Variants in DPH6 observed in about 807,000 individuals in gnomAD.
The protein encoded by DPH6 is diphthine--ammonia ligase.
DPH6 carries 33 observed loss-of-function variants against 38.2 expected under a neutral mutation model. The observed-to-expected ratio is 0.86, with a 90% CI of 0.65 to 1.15. The LOEUF (loss-of-function observed/expected upper bound fraction) is 1.15, where lower values mean the gene tolerates loss of function less well. Ranked by LOEUF, DPH6 falls within the 50% of genes most tolerant of loss-of-function variation. DPH6 has a pLI of 0.00. For missense variants in DPH6, 325 were observed against 320.0 expected (o/e 1.02, Z -0.12); for synonymous variants, 108 against 103.0 (o/e 1.05, Z -0.30).
intron 3 of DPH6, among the ~76,000 whole-genome samples, chr15:35,351,456 T>C (rs77529810): frequency 0.027 from 4,051 of 152,322 alleles, 78 homozygotes; most frequent in Non-Finnish European, 0.042. Flanking sequence ...GTTAATTTTT[T>C]CTTTCTGTTT....
At chr15:35,313,370 G>A (rs1287775080) in intron 3 of DPH6, among the ~76,000 whole-genome samples, 4 of 146,474 alleles carry the variant, frequency 2.7e-5, no homozygotes, top group Non-Finnish European at 4.5e-5. Context: ...TTCTATTTCT[G>A]TGAAGAACAT....
chr15:35,210,886 C>A, the DPH6 span, among the ~76,000 whole-genome samples: 2 of 139,270 alleles, frequency 1.4e-5, no homozygotes, highest in African/African-American at 5.4e-5. Flanking sequence ...GAATTTGCAT[C>A]TTATCATTTC....
the DPH6 span, among the ~76,000 whole-genome samples, chr15:35,148,715 A>C: frequency 6.6e-6 from 1 of 152,136 alleles, no homozygotes. Context: ...TTGATTCCTC[A>C]TTCAGCCCTT....
At chr15:35,421,309 T>C (rs1371422426) in intron 5 of DPH6, among the ~76,000 whole-genome samples, 1 of 152,212 alleles carries the variant, frequency 6.6e-6, no homozygotes, top group African/African-American at 2.4e-5. Context: ...GCCAGAAATA[T>C]TCTAAAATCT....
Position 35,496,567 on chromosome 15 carries a change from A to ATATATATATATAT in DPH6, c.312+41706_312+41707insATATATATATATA, listed in dbSNP as rs1555406398. Among the ~76,000 whole-genome samples the ATATATATATATAT allele has an allele frequency of 3.6e-3, 113 of 30,996 alleles. 2 individuals are homozygous for ATATATATATATAT. Among genetic ancestry groups the ATATATATATATAT allele is most frequent in the East Asian group, 0.027 (9 of 328 alleles). The allele number at this position is 30,996 out of a possible 152,430, so 20.3% of individuals were successfully genotyped here. On this transcript the variant is annotated intron_variant, in intron 3 of 8. Coordinates refer to ENST00000256538, the MANE Select transcript of DPH6 (RefSeq NM_080650.4). ...GAAAGTTCCATCTCAAAAAAAAAAAAATATATATATATATATATATATATC... is the reference window on the plus strand; with the variant it reads ...GAAAGTTCCATCTCAAAAAAAAAAAATATATATATATATATATATATATATATATATATATATC...
intron 5 of DPH6, 111 bp downstream of exon 5, chr15:35,450,573 TC>T (rs749441429): frequency 1.2e-4 from 106 of 884,164 alleles, no homozygotes; most frequent in Non-Finnish European, 1.3e-4. Flanking sequence ...CAGCTGTGAC[TC>T]CACATTTTTA....
intron 6 of DPH6, chr15:35,401,676 G>A (rs935363859): frequency 4.0e-6 from 3 of 746,416 alleles, no homozygotes; most frequent in Non-Finnish European, 4.9e-6. Flanking sequence ...CTCCTATGGT[G>A]TTGGAGGCCA....
chr15:35,268,652 T>C lies in DPH6; in HGVS notation n.201-48070A>G, dbSNP rs911672584. Among the ~76,000 whole-genome samples, 47 of 151,742 alleles carry C rather than the reference T, an allele frequency of 3.1e-4. 1 individual carries two copies. The highest frequency in any genetic ancestry group is 1.2e-4 in the Non-Finnish European group (8 of 67,954). On this transcript the variant is annotated intron_variant and non_coding_transcript_variant, in intron 3 of 3. Coordinates refer to the DPH6 transcript ENST00000560386. ...CAGTATATCTTCTAATACTATATAT[T>C]TTTGAAAACATAAGATTAAAAGGAA...
At chr15:35,417,634 T>C (rs1378513471) in intron 5 of DPH6, among the ~76,000 whole-genome samples, 1 of 152,112 alleles carries the variant, frequency 6.6e-6, no homozygotes, top group Non-Finnish European at 1.5e-5. Flanking sequence ...TGAAGAATGA[T>C]GCTAATATAC....
chr15:35,291,181 T>C (rs2051977875), intron 3 of DPH6, among the ~76,000 whole-genome samples: 1 of 152,066 alleles, frequency 6.6e-6, no homozygotes, highest in South Asian at 2.1e-4. Context: ...TAAACATTGG[T>C]TAGTAATCCA....
chr15:35,416,098 G>T (rs576727502), intron 5 of DPH6, among the ~76,000 whole-genome samples: 1 of 151,834 alleles, frequency 6.6e-6, no homozygotes, highest in African/African-American at 2.4e-5. Context: ...GAATTGTCTT[G>T]GGCCACATAT....
chr15:35,378,831 G>C (rs562794739), intron 7 of DPH6, among the ~76,000 whole-genome samples: 1 of 152,120 alleles, frequency 6.6e-6, no homozygotes, highest in South Asian at 2.1e-4. Context: ...GTCAGGGGTG[G>C]GGGGCTGGGG....
chr15:35,542,182 G>A (rs1430032395), intron 2 of DPH6, among the ~76,000 whole-genome samples: 1 of 151,956 alleles, frequency 6.6e-6, no homozygotes, highest in Non-Finnish European at 1.5e-5. Flanking sequence ...TAAGCTTCAG[G>A]ATCCCTGTCT....
At chr15:35,357,174 C>T (rs541775978) in intron 3 of DPH6, among the ~76,000 whole-genome samples, 3 of 152,322 alleles carry the variant, frequency 2.0e-5, no homozygotes, top group South Asian at 2.1e-4. Flanking sequence ...TTCTAGGTCC[C>T]GTCTATCACC....
At chr15:35,448,299 T>C (rs1025571611) in intron 5 of DPH6, among the ~76,000 whole-genome samples, 14 of 152,194 alleles carry the variant, frequency 9.2e-5, no homozygotes, top group East Asian at 5.8e-4. Context: ...GAATGGATAA[T>C]AGATCTGCTA....
chr15:35,312,626 A>T (rs1171449567), intron 3 of DPH6, among the ~76,000 whole-genome samples: 2 of 152,240 alleles, frequency 1.3e-5, no homozygotes, highest in Non-Finnish European at 2.9e-5. Flanking sequence ...AAGGAATAAC[A>T]GACATGACAC....
chr15:35,209,126 T>C, the DPH6 span, among the ~76,000 whole-genome samples: 1 of 152,184 alleles, frequency 6.6e-6, no homozygotes, highest in East Asian at 1.9e-4. Flanking sequence ...AGATAAAAGA[T>C]TTTTGTTATA....
chr15:35,224,481 A>G (rs1042837139), intron 3 of DPH6, among the ~76,000 whole-genome samples: 2 of 152,210 alleles, frequency 1.3e-5, no homozygotes, highest in Non-Finnish European at 2.9e-5. Flanking sequence ...AATGAAGGAC[A>G]TCTTGGTTGC....
At chr15:35,409,114 T>A (rs113394953) in intron 6 of DPH6, among the ~76,000 whole-genome samples, 4,067 of 151,830 alleles carry the variant, frequency 0.027, 95 homozygotes, top group African/African-American at 0.06. Flanking sequence ...GCCATATAAA[T>A]AGGAAAGAAC....
Sources: gnomAD v4.1 joint callset for allele counts (sites outside exome capture counted in the v4.1 genomes callset) on GRCh38, gnomAD v4.1.1 for gene constraint, MANE v1.5 for transcripts, NCBI Gene and HGNC (gene_info 2026-07-23, HGNC 2026-07-21) for gene names.